SERINC5: variants seen among roughly 807,000 people sequenced by gnomAD.
SERINC5 encodes the protein serine incorporator 5, also known as chromosome 5 open reading frame 12.
Under a neutral mutation model 63.1 loss-of-function variants are expected in SERINC5, and 41 were observed. The ratio of observed to expected loss-of-function variants is 0.65; its 90% CI spans 0.51 to 0.84. SERINC5 has a LOEUF of 0.84. Ranked by LOEUF, SERINC5 falls within the 40% of genes least tolerant of loss-of-function variation. The pLI is 0.00. For synonymous variants in SERINC5, 222 were observed against 215.2 expected (o/e 1.03, Z -0.28); for missense variants, 523 against 573.0 (o/e 0.91, Z 0.89).
At chr5:80,183,684 C>T (rs1230220994) in intron 2 of SERINC5, among the ~76,000 whole-genome samples, 1 of 152,114 alleles carries the variant, frequency 6.6e-6, no homozygotes, top group Non-Finnish European at 1.5e-5. Context: ...AGCTCCCCCA[C>T]TGAGCACCTT....
At chr5:80,224,935 GTTTTTTT>G (rs764594236) in intron 1 of SERINC5, among the ~76,000 whole-genome samples, 1 of 81,668 alleles carries the variant, frequency 1.2e-5, no homozygotes, top group Non-Finnish European at 2.3e-5. Flanking sequence ...TTTTTTTTTT[GTTTTTTT>G]TTGTTTTTTT....
At chr5:80,191,459 A>G (rs1256752914) in intron 2 of SERINC5, among the ~76,000 whole-genome samples, 1 of 147,112 alleles carries the variant, frequency 6.8e-6, no homozygotes. Flanking sequence ...CCTGGGCAAC[A>G]TAGGGAGACT....
chr5:80,255,805 T>C (rs1209053935), intron 1 of SERINC5, 91 bp downstream of exon 1: 2 of 1,373,988 alleles, frequency 1.5e-6, no homozygotes, highest in Non-Finnish European at 2.0e-6. Flanking sequence ...GCCGCGGAGC[T>C]GGGAGCGCAC....
intron 1 of SERINC5, among the ~76,000 whole-genome samples, chr5:80,219,127 A>G (rs139389455): frequency 9.2e-5 from 14 of 152,324 alleles, no homozygotes; most frequent in African/African-American, 3.1e-4. Flanking sequence ...CTGTACCTGG[A>G]TAGTACCAGT....
chr5:80,219,125 G>C (rs1054877286), intron 1 of SERINC5, among the ~76,000 whole-genome samples: 3 of 152,144 alleles, frequency 2.0e-5, no homozygotes, highest in Non-Finnish European at 2.9e-5. Context: ...AGCTGTACCT[G>C]GATAGTACCA....
chr5:80,185,673 G>C (rs1180671438), intron 2 of SERINC5, among the ~76,000 whole-genome samples: 1 of 152,092 alleles, frequency 6.6e-6, no homozygotes, highest in African/African-American at 2.4e-5. Context: ...ACAGTCAAAG[G>C]GGGTTCGTTC....
rs375774313 is a variant in SERINC5 at position 80,150,955 on chromosome 5, A to C, written c.987-7T>G. On this transcript the variant is annotated splice_region_variant and splice_polypyrimidine_tract_variant and intron_variant, in intron 8 of 11. Coordinates refer to ENST00000507668, the MANE Select transcript of SERINC5 (RefSeq NM_001174072.3). ...TCTTGTTGTTGATGTCAAACTAAGAAACAGACAAAAACGTCAGCTGGGCAT... is the reference window on the plus strand; with the variant it reads ...TCTTGTTGTTGATGTCAAACTAAGACACAGACAAAAACGTCAGCTGGGCAT... The C allele has an allele frequency of 2.3e-5, 37 of 1,609,720 alleles. No homozygotes were observed. Among genetic ancestry groups the C allele is most frequent in the Non-Finnish European group, 2.9e-5 (34 of 1,176,102 alleles).
At chr5:80,209,846 C>T (rs1750349021) in intron 1 of SERINC5, among the ~76,000 whole-genome samples, 1 of 152,048 alleles carries the variant, frequency 6.6e-6, no homozygotes, top group Non-Finnish European at 1.5e-5. Context: ...TCAGGATTTT[C>T]AGCCCAGCCG....
Position 80,256,004 on chromosome 5 carries a change from G to C in SERINC5, c.-82C>G. 7.5e-7 allele frequency: 1 copy of C among 1,339,150 alleles called. No homozygotes were observed. Among genetic ancestry groups the C allele is most frequent in the Non-Finnish European group, 9.8e-7 (1 of 1,017,728 alleles). 83.0% of individuals were successfully genotyped at this position (1,339,150 alleles called of 1,614,324 possible). Reference sequence around the variant, plus strand: ...CTGGCTGCCTCGCGCCTCGAGCGCTGGGCTCAGCCGCAGCTCACACTTGAA... The same window carrying C: ...CTGGCTGCCTCGCGCCTCGAGCGCTCGGCTCAGCCGCAGCTCACACTTGAA... On this transcript the variant is annotated 5_prime_UTR_variant, in exon 1 of 12. Coordinates refer to ENST00000507668, the MANE Select transcript of SERINC5 (RefSeq NM_001174072.3).
chr5:80,255,712 C>T (rs1444107368), intron 1 of SERINC5, among the ~76,000 whole-genome samples, 184 bp downstream of exon 1: 2 of 151,686 alleles, frequency 1.3e-5, no homozygotes, highest in Non-Finnish European at 2.9e-5. Context: ...CCTGCCCCTT[C>T]CCGCCCGCCC....
rs530899150 is a variant in SERINC5, at chr5:80,196,122, T to C, written c.195+6764A>G. 3.3e-5 allele frequency among the ~76,000 whole-genome samples: 5 copies of C among 152,174 alleles called. No homozygotes were observed. The East Asian group carries it at 9.6e-4, about 29-fold the overall frequency. On this transcript the variant is annotated intron_variant, in intron 2 of 11. Transcript: ENST00000507668. The stretch of plus-strand genomic sequence containing the variant: ...TCTGGGGAAAAGTATGCACAAGATC[T>C]AGAAAAACGGGGATGCAGGAAGAAA...
At chr5:80,114,106 A>C (rs528583844) in intron 11 of SERINC5, among the ~76,000 whole-genome samples, 16 of 152,152 alleles carry the variant, frequency 1.1e-4, no homozygotes, top group African/African-American at 3.9e-4. Flanking sequence ...GGGCCCAAAC[A>C]AACAACTGAA....
At chr5:80,197,003 C>A (rs1226073936) in intron 2 of SERINC5, among the ~76,000 whole-genome samples, 1 of 151,914 alleles carries the variant, frequency 6.6e-6, no homozygotes, top group African/African-American at 2.4e-5. Flanking sequence ...TATTATCTAG[C>A]CACTTAAAGG....
intron 1 of SERINC5, among the ~76,000 whole-genome samples, chr5:80,234,597 G>A (rs947871162): frequency 9.2e-5 from 14 of 152,108 alleles, no homozygotes; most frequent in East Asian, 3.8e-4. Context: ...GATGAATTTC[G>A]CACATTTAGG....
intron 8 of SERINC5, among the ~76,000 whole-genome samples, chr5:80,156,318 A>T (rs1304156876): frequency 6.6e-6 from 1 of 152,166 alleles, no homozygotes; most frequent in African/African-American, 2.4e-5. Flanking sequence ...TCAGAAGTCC[A>T]GATCTGAAAA....
At chr5:80,176,725 C>G (rs1480639190) in intron 4 of SERINC5, among the ~76,000 whole-genome samples, 1 of 152,130 alleles carries the variant, frequency 6.6e-6, no homozygotes, top group East Asian at 1.9e-4. Flanking sequence ...GTGTGAGCTA[C>G]CACGCCTGGC....
At chr5:80,228,543 A>T (rs1019565147) in intron 1 of SERINC5, among the ~76,000 whole-genome samples, 1 of 151,458 alleles carries the variant, frequency 6.6e-6, no homozygotes, top group African/African-American at 2.4e-5. Flanking sequence ...GGAGCCTTGA[A>T]CTCCTTGCCT....
At chr5:80,248,517 T>C (rs907839036) in intron 1 of SERINC5, among the ~76,000 whole-genome samples, 2 of 152,224 alleles carry the variant, frequency 1.3e-5, no homozygotes, top group Non-Finnish European at 2.9e-5. Context: ...AATTTTCCAC[T>C]TAATATTTTC....
At chr5:80,240,162 T>A (rs867944896) in intron 1 of SERINC5, among the ~76,000 whole-genome samples, 2 of 152,208 alleles carry the variant, frequency 1.3e-5, no homozygotes, top group African/African-American at 2.4e-5. Context: ...CCAAGCTGAA[T>A]TGAGCTTCGT....
Sources: allele counts gnomAD v4.1 joint callset (sites outside exome capture counted in the v4.1 genomes callset), GRCh38; gene constraint gnomAD v4.1.1; transcripts MANE v1.5; gene names NCBI Gene and HGNC (gene_info 2026-07-23, HGNC 2026-07-21).